Variants in DCAF6 observed in about 807,000 individuals in gnomAD.
DCAF6 encodes DDB1- and CUL4-associated factor 6.
In DCAF6, 54 loss-of-function variants were observed where a neutral mutation model predicts 125.1. That is an observed-to-expected ratio of 0.43 (90% confidence interval 0.35 to 0.54). The LOEUF (loss-of-function observed/expected upper bound fraction) is 0.54, where lower values mean the gene tolerates loss of function less well. DCAF6 is among the 20% of genes least tolerant of loss of function. The probability of loss-of-function intolerance (pLI) is 0.01; values close to 1 mark genes in which losing one functional copy is unlikely to be tolerated. For synonymous variants in DCAF6, 371 were observed against 390.4 expected, an observed-to-expected ratio of 0.95 and a Z score of 0.58; for missense variants, 934 against 1,161.7, an observed-to-expected ratio of 0.80 and a Z score of 2.85.
At chr1:167,909,837 G>C in the DCAF6 span, among the ~76,000 whole-genome samples, 2 of 152,114 alleles carry the variant, frequency 1.3e-5, no homozygotes, top group African/African-American at 2.4e-5. Context: ...TGAGGAGACA[G>C]GCCATTTCTC....
upstream of DCAF6, among the ~76,000 whole-genome samples, chr1:167,932,372 G>A (rs568979833): frequency 6.6e-6 from 1 of 152,118 alleles, no homozygotes; most frequent in South Asian, 2.1e-4. Flanking sequence ...AACGTTACTG[G>A]AAGTTCTATA....
the DCAF6 span, chr1:167,880,649 T>C: frequency 2.4e-3 from 3,619 of 1,490,908 alleles, 59 homozygotes; most frequent in African/African-American, 0.04. Flanking sequence ...TGATGGACAG[T>C]GTGCTTTAAA....
chr1:167,961,400 A>G (rs1394665694), intron 2 of DCAF6, among the ~76,000 whole-genome samples: 15 of 151,888 alleles, frequency 9.9e-5, no homozygotes, highest in Admixed American at 7.2e-4. Context: ...CCACCACCAC[A>G]CCCGGCTAAT....
the DCAF6 span, among the ~76,000 whole-genome samples, chr1:167,893,486 G>T: frequency 6.6e-6 from 1 of 152,028 alleles, no homozygotes; most frequent in Non-Finnish European, 1.5e-5. Context: ...GGTGAGGCGG[G>T]CAGATTTCTT....
intron 20 of DCAF6, 139 bp downstream of exon 20, chr1:168,066,604 A>G (rs539965108): frequency 7.4e-5 from 42 of 565,720 alleles, no homozygotes; most frequent in Admixed American, 1.6e-4. Context: ...AAGAAAAAGA[A>G]AAATTAAGAT....
intron 12 of DCAF6, among the ~76,000 whole-genome samples, chr1:168,030,648 TTGAA>T (rs1484808945): frequency 5.3e-5 from 8 of 152,130 alleles, no homozygotes; most frequent in Non-Finnish European, 1.2e-4. Context: ...TGGTGGTAGA[TTGAA>T]TGACACAGGG....
At chr1:168,044,492 A>G (rs983591552) in intron 14 of DCAF6, 93 bp from the exon 15 acceptor site, 5 of 795,006 alleles carry the variant, frequency 6.3e-6, no homozygotes, top group Non-Finnish European at 1.1e-5. Flanking sequence ...TATATGAGGG[A>G]CTTGAGGAGC....
At chr1:167,927,565 T>A in the DCAF6 span, among the ~76,000 whole-genome samples, 3 of 152,224 alleles carry the variant, frequency 2.0e-5, no homozygotes, top group Non-Finnish European at 4.4e-5. Context: ...AGACTTCTCT[T>A]GTTCTATTTG....
At chr1:168,036,372 T>A (rs116223143) in intron 12 of DCAF6, among the ~76,000 whole-genome samples, 2,831 of 152,324 alleles carry the variant, frequency 0.019, 77 homozygotes, top group African/African-American at 0.064. Flanking sequence ...AGAAATTCAG[T>A]CTTACACTTC....
At chr1:167,877,383 A>G in the DCAF6 span, among the ~76,000 whole-genome samples, 29 of 151,892 alleles carry the variant, frequency 1.9e-4, no homozygotes, top group South Asian at 5.9e-3. Context: ...GCACAGTGCT[A>G]AGCCTCAGGA....
chr1:168,003,698 A>G (rs908331110), intron 8 of DCAF6, among the ~76,000 whole-genome samples, 172 bp from the exon 9 acceptor site: 3 of 152,214 alleles, frequency 2.0e-5, no homozygotes, highest in Non-Finnish European at 4.4e-5. Flanking sequence ...AACAATTACT[A>G]TAAAATGTGA....
At chr1:167,897,148 C>T in the DCAF6 span, among the ~76,000 whole-genome samples, 2 of 149,202 alleles carry the variant, frequency 1.3e-5, no homozygotes, top group Non-Finnish European at 3.0e-5. Context: ...GAGGATGGCA[C>T]GATCTCATTT....
chr1:167,931,722 G>A (rs1670916805), upstream of DCAF6, among the ~76,000 whole-genome samples: 1 of 151,942 alleles, frequency 6.6e-6, no homozygotes, highest in Non-Finnish European at 1.5e-5. Flanking sequence ...ACATATAATA[G>A]AACAATATAT....
At chr1:168,065,424 A>G (rs1183507713) in intron 18 of DCAF6, among the ~76,000 whole-genome samples, 166 bp from the exon 19 acceptor site, 1 of 152,162 alleles carries the variant, frequency 6.6e-6, no homozygotes, top group Non-Finnish European at 1.5e-5. Flanking sequence ...CTGGGATTAC[A>G]GGTGTGAGCC....
chr1:168,036,593 A>T (rs1352161482), intron 12 of DCAF6, among the ~76,000 whole-genome samples: 2 of 152,234 alleles, frequency 1.3e-5, no homozygotes, highest in African/African-American at 4.8e-5. Context: ...AAATCTCAGT[A>T]ACATAACTAA....
intron 10 of DCAF6, among the ~76,000 whole-genome samples, chr1:168,005,390 A>G (rs1250279566): frequency 1.3e-5 from 2 of 151,940 alleles, no homozygotes; most frequent in East Asian, 3.8e-4. Context: ...TTAAAATGCT[A>G]TTTTTTTCTC....
At chr1:168,050,776 A>ATT (rs1689811354) in intron 16 of DCAF6, 116 bp from the exon 17 acceptor site, 2 of 533,190 alleles carry the variant, frequency 3.8e-6, no homozygotes, top group Non-Finnish European at 6.0e-6. Context: ...AAGGGAAACA[A>ATT]AAGTTTTTTT....
intron 17 of DCAF6, among the ~76,000 whole-genome samples, chr1:168,061,606 A>G (rs911411975): frequency 4.6e-5 from 7 of 152,136 alleles, no homozygotes; most frequent in African/African-American, 1.2e-4. Flanking sequence ...TATTCTTTCT[A>G]TATGAACATT....
the DCAF6 span, among the ~76,000 whole-genome samples, chr1:167,871,986 G>A: frequency 6.6e-6 from 1 of 152,106 alleles, no homozygotes; most frequent in African/African-American, 2.4e-5. Context: ...AAACCTGCAC[G>A]TTGTGCATTG....
Sources: allele counts gnomAD v4.1 joint callset (sites outside exome capture counted in the v4.1 genomes callset), GRCh38; gene constraint gnomAD v4.1.1; transcripts MANE v1.5; gene names NCBI Gene and HGNC (gene_info 2026-07-23, HGNC 2026-07-21).